CPNE3: variants seen among roughly 807,000 people sequenced by gnomAD.
The protein encoded by CPNE3 is copine-3.
In CPNE3, 68 loss-of-function variants were observed where a neutral mutation model predicts 63.9. The ratio of observed to expected loss-of-function variants is 1.06; its 90% CI spans 0.87 to 1.30. The LOEUF is 1.30. CPNE3 is among the 50% of genes most tolerant of loss of function. The probability of loss-of-function intolerance (pLI) is 0.00; values close to 1 mark genes in which losing one functional copy is unlikely to be tolerated. For synonymous variants in CPNE3, 219 were observed against 197.5 expected, an observed-to-expected ratio of 1.11 and a Z score of -0.91; for missense variants, 665 against 578.1, an observed-to-expected ratio of 1.15 and a Z score of -1.54.
chr8:86,521,561 A>G (rs182418678), intron 2 of CPNE3: 7 of 152,218 alleles, frequency 4.6e-5, no homozygotes, highest in African/African-American at 9.6e-5. Flanking sequence ...GTTTACATCT[A>G]TGGAGTTTAT....
intron 14 of CPNE3, 72 bp from the exon 15 acceptor site, chr8:86,554,779 G>A: frequency 2.6e-6 from 4 of 1,551,510 alleles, no homozygotes; most frequent in South Asian, 1.2e-5. Flanking sequence ...AATCAAATTA[G>A]CCAGTATTGT....
At chr8:86,547,548 G>C (rs765109010) in intron 10 of CPNE3, 163 bp from the exon 11 acceptor site, 6 of 553,806 alleles carry the variant, frequency 1.1e-5, no homozygotes, top group African/African-American at 2.0e-5. Context: ...CAGATTCATG[G>C]CACATAGGGG....
At chr8:86,521,503 A>G (rs1375882908) in intron 2 of CPNE3, 1 of 152,202 alleles carries the variant, frequency 6.6e-6, no homozygotes, top group Non-Finnish European at 1.5e-5. Context: ...TTGCTGTTAT[A>G]CTAAGTAACT....
At chr8:86,554,687 T>C (rs77520852) in intron 14 of CPNE3, among the ~76,000 whole-genome samples, 164 bp from the exon 15 acceptor site, 1,899 of 152,306 alleles carry the variant, frequency 0.012, 42 homozygotes, top group African/African-American at 0.043. Context: ...ATCATACCTA[T>C]GGAGTTATGT....
At chr8:86,520,554 CA>C (rs535323913) in intron 2 of CPNE3, among the ~76,000 whole-genome samples, 120 of 130,358 alleles carry the variant, frequency 9.2e-4, no homozygotes, top group Admixed American at 9.5e-4. Flanking sequence ...AAGTCCATCT[CA>C]AAAAAAAAAA....
intron 10 of CPNE3, 156 bp from the exon 11 acceptor site, chr8:86,547,555 G>C (rs757779313): frequency 2.1e-5 from 11 of 516,268 alleles, no homozygotes; most frequent in Non-Finnish European, 3.7e-5. Context: ...ATGGCACATA[G>C]GGGAAGGGGT....
chr8:86,530,662 T>C (rs1820655882), intron 4 of CPNE3, among the ~76,000 whole-genome samples: 1 of 151,632 alleles, frequency 6.6e-6, no homozygotes, highest in Non-Finnish European at 1.5e-5. Context: ...TCCTTAGAAG[T>C]TTTTTCCAAT....
At chr8:86,531,321 T>C (rs950935472) in intron 5 of CPNE3, 92 bp downstream of exon 5, 2 of 730,444 alleles carry the variant, frequency 2.7e-6, no homozygotes, top group African/African-American at 1.8e-5. Context: ...TCTACAGCCA[T>C]GCTTTGTCAC....
At chr8:86,530,555 A>G (rs1408078255) in intron 4 of CPNE3, among the ~76,000 whole-genome samples, 1 of 152,184 alleles carries the variant, frequency 6.6e-6, no homozygotes. Flanking sequence ...ATGAGAATCC[A>G]GTCCTCTTTT....
intron 4 of CPNE3, among the ~76,000 whole-genome samples, chr8:86,529,967 GA>G (rs1205030496): frequency 1.3e-5 from 2 of 151,858 alleles, no homozygotes; most frequent in African/African-American, 2.4e-5. Flanking sequence ...TAATATCAAA[GA>G]AAAAATTGAG....
intron 4 of CPNE3, among the ~76,000 whole-genome samples, chr8:86,530,740 G>A (rs575540132): frequency 5.4e-5 from 8 of 148,256 alleles, no homozygotes; most frequent in African/African-American, 2.0e-4. Flanking sequence ...TGCCCAGGCT[G>A]GAGTGCAACA....
In CPNE3 at chr8:86,528,644, G is replaced by A. The variant is rs10956871; in HGVS notation, c.99G>A (p.Leu33=). 0.25 allele frequency: 406,302 copies of A among 1,612,358 alleles called. 54,041 individuals are homozygous for A. The highest frequency in any genetic ancestry group is 0.27 in the Non-Finnish European group (321,139 of 1,179,118). ...IGSKSDPLCV[L]FLNTSGQQWY... is the part of the protein sequence containing the mutation. Reference sequence around the variant, plus strand: ...CAAAGTCAGACCCTTTATGTGTGTTGTTTTTGAATACAAGTGGTCAACAGT... The same window carrying A: ...CAAAGTCAGACCCTTTATGTGTGTTATTTTTGAATACAAGTGGTCAACAGT... Residue 33 remains leucine, a synonymous_variant, in exon 3 of 17, where the codon TTG becomes TTA. Transcript: ENST00000517490.
At chr8:86,520,474 G>A (rs1820409635) in intron 2 of CPNE3, among the ~76,000 whole-genome samples, 2 of 151,550 alleles carry the variant, frequency 1.3e-5, no homozygotes, top group South Asian at 4.2e-4. Flanking sequence ...AGAATCACTT[G>A]AACCCAGGAG....
intron 2 of CPNE3, among the ~76,000 whole-genome samples, chr8:86,525,967 G>T (rs191983352): frequency 6.6e-6 from 1 of 152,148 alleles, no homozygotes; most frequent in African/African-American, 2.4e-5. Context: ...TGCCTGGCAC[G>T]TGCCAGATTT....
chr8:86,536,175 C>T (rs992731608), intron 6 of CPNE3, among the ~76,000 whole-genome samples: 2 of 150,616 alleles, frequency 1.3e-5, no homozygotes, highest in African/African-American at 4.9e-5. Flanking sequence ...CATTCTGTTT[C>T]CTAAATATCT....
chr8:86,547,681 T>A (rs574719582), intron 10 of CPNE3, 30 bp from the exon 11 acceptor site: 1 of 916,470 alleles, frequency 1.1e-6, no homozygotes, highest in East Asian at 2.4e-5. Context: ...AGTAGGAGAG[T>A]TGTAATTTTA....
chr8:86,524,848 T>TTTTCTTTCTTTCTTTCTTTCTTTTTTTC (rs1820507742), intron 2 of CPNE3: 1 of 133,582 alleles, frequency 7.5e-6, no homozygotes. Flanking sequence ...ATTTTTTCAT[T>TTTTCTTTCTTTCTTTCTTTCTTTTTTTC]TTTCTTTCTT....
Position 86,546,645 on chromosome 8 carries a change from C to T in CPNE3, c.783C>T (p.Tyr261=). 1 of 1,613,738 alleles carries T rather than the reference C, an allele frequency of 6.2e-7. No homozygotes were observed. Among genetic ancestry groups the T allele is most frequent in the Non-Finnish European group, 8.5e-7 (1 of 1,179,894 alleles). The stretch of plus-strand genomic sequence containing the variant: ...AAAAAAGGCAAAAGAAAAAAAGCTA[C>T]AAGAATTCAGGTGTTATCAGTGTGA... ...NEKKRQKKKS[Y]KNSGVISVKQ... is the part of the protein sequence containing the mutation. Residue 261 remains tyrosine, a synonymous_variant, in exon 10 of 17, where the codon TAC becomes TAT. Transcript: ENST00000517490.
In CPNE3 at chr8:86,554,806, C is replaced by T. The variant is rs370211202; in HGVS notation, c.1121-45C>T. 1,480 of 1,602,814 alleles carry T rather than the reference C, an allele frequency of 9.2e-4. 1 individual carries two copies. Among genetic ancestry groups the T allele is most frequent in the Non-Finnish European group, 1.2e-3 (1,357 of 1,172,698 alleles). ...CAGTATTGTGAATAAACACATTGTGCTTGAGAATTTTTAGTACTGTTTTTT... is the reference window on the plus strand; with the variant it reads ...CAGTATTGTGAATAAACACATTGTGTTTGAGAATTTTTAGTACTGTTTTTT... On this transcript the variant is annotated intron_variant, in intron 14 of 16. Transcript: ENST00000517490.
Sources: gnomAD v4.1 joint callset for allele counts (sites outside exome capture counted in the v4.1 genomes callset) on GRCh38, gnomAD v4.1.1 for gene constraint, MANE v1.5 for transcripts, NCBI Gene and HGNC (gene_info 2026-07-23, HGNC 2026-07-21) for gene names.